Variants in SPAG16 observed in about 807,000 individuals in gnomAD.
SPAG16 encodes the protein sperm-associated antigen 16 protein.
In SPAG16, 86 loss-of-function variants were observed where a neutral mutation model predicts 80.4. The observed-to-expected ratio is 1.07, with a 90% CI of 0.90 to 1.28. SPAG16 has a LOEUF of 1.28. SPAG16 is among the 50% of genes most tolerant of loss of function. The pLI is 0.00. For missense variants in SPAG16, 870 were observed against 765.3 expected (o/e 1.14, Z -1.61); for synonymous variants, 294 against 265.9 (o/e 1.11, Z -1.03).
intron 15 of SPAG16, among the ~76,000 whole-genome samples, chr2:214,302,765 G>GTA (rs1694647371): frequency 6.6e-6 from 1 of 152,214 alleles, no homozygotes; most frequent in African/African-American, 2.4e-5. Flanking sequence ...TTACAGGTGT[G>GTA]AGCCACCGCG....
At chr2:213,417,331 CAGGACTT>C (rs2069318952) in intron 9 of SPAG16, among the ~76,000 whole-genome samples, 1 of 152,180 alleles carries the variant, frequency 6.6e-6, no homozygotes, top group South Asian at 2.1e-4. Context: ...TTGCAAATGC[CAGGACTT>C]CTGACAACTG....
At chr2:214,323,922 A>T (rs900026494) in intron 15 of SPAG16, among the ~76,000 whole-genome samples, 2 of 152,228 alleles carry the variant, frequency 1.3e-5, no homozygotes, top group Non-Finnish European at 2.9e-5. Flanking sequence ...TAATTTTCCA[A>T]ACTTGAATTT....
At chr2:214,406,833 T>C (rs1702022663) in intron 15 of SPAG16, among the ~76,000 whole-genome samples, 2 of 152,192 alleles carry the variant, frequency 1.3e-5, no homozygotes, top group South Asian at 4.1e-4. Flanking sequence ...ACAGAAAAGG[T>C]ATTGATTTAC....
rs550012841 is a variant in SPAG16 at position 213,895,948 on chromosome 2, A to G, written c.1214+33320A>G. 1.2e-4 allele frequency among the ~76,000 whole-genome samples: 18 copies of G among 152,236 alleles called. No individual in the cohort carries two copies. The East Asian group carries it at 3.3e-3, about 28-fold the overall frequency. On this transcript the variant is annotated intron_variant, in intron 11 of 15. Transcript: ENST00000331683. ...AAAATAAAAAAAAATGAAAAGAAAA[A>G]CCAGGATTATATCAAGGTAAAATCT... is the stretch of plus-strand genomic sequence containing the variant.
At chr2:214,187,132 G>A (rs970418692) in intron 15 of SPAG16, among the ~76,000 whole-genome samples, 6 of 152,054 alleles carry the variant, frequency 3.9e-5, no homozygotes, top group Admixed American at 1.3e-4. Flanking sequence ...CACTATGGTA[G>A]GACACTATAT....
intron 4 of SPAG16, among the ~76,000 whole-genome samples, chr2:213,315,327 T>C (rs1377196332): frequency 6.6e-6 from 1 of 151,946 alleles, no homozygotes; most frequent in African/African-American, 2.4e-5. Flanking sequence ...GCCTCAGGTA[T>C]TCTTCTCTTC....
chr2:213,593,840 T>G (rs979219992), intron 10 of SPAG16, among the ~76,000 whole-genome samples: 5 of 136,152 alleles, frequency 3.7e-5, no homozygotes, highest in Non-Finnish European at 7.7e-5. Context: ...AGTGTAGAGA[T>G]CTCGGCTCAC....
intron 15 of SPAG16, chr2:214,280,966 C>A: frequency 2.2e-6 from 1 of 447,078 alleles, no homozygotes. Context: ...TCCTTGCTTT[C>A]AGAATCATAA....
intron 13 of SPAG16, among the ~76,000 whole-genome samples, chr2:214,025,388 A>C (rs1389939056): frequency 6.6e-6 from 1 of 151,608 alleles, no homozygotes; most frequent in Non-Finnish European, 1.5e-5. Context: ...TAGCCTCTTA[A>C]TTTTACTTCA....
chr2:213,504,429 A>G (rs1046312611), intron 10 of SPAG16, among the ~76,000 whole-genome samples: 3 of 152,198 alleles, frequency 2.0e-5, no homozygotes, highest in Non-Finnish European at 4.4e-5. Flanking sequence ...TGAGAGGTTA[A>G]AAACCTGAAA....
At chr2:213,408,212 C>T (rs552183752) in intron 9 of SPAG16, among the ~76,000 whole-genome samples, 17 of 152,280 alleles carry the variant, frequency 1.1e-4, no homozygotes, top group African/African-American at 4.1e-4. Context: ...CTCCGTGACC[C>T]TGCAACACTC....
At chr2:213,870,533 T>C (rs1243435886) in intron 11 of SPAG16, among the ~76,000 whole-genome samples, 1 of 152,218 alleles carries the variant, frequency 6.6e-6, no homozygotes, top group Non-Finnish European at 1.5e-5. Flanking sequence ...TTTTCCAGTA[T>C]GGGTGTGGAA....
At chr2:214,316,855 ACTT>A (rs1334154598) in intron 15 of SPAG16, among the ~76,000 whole-genome samples, 3 of 152,142 alleles carry the variant, frequency 2.0e-5, no homozygotes, top group African/African-American at 7.2e-5. Context: ...ATTCTATAAT[ACTT>A]CTACAGCCAC....
chr2:213,941,288 A>G (rs1379067160), intron 12 of SPAG16, among the ~76,000 whole-genome samples: 1 of 152,072 alleles, frequency 6.6e-6, no homozygotes, highest in Non-Finnish European at 1.5e-5. Context: ...GAGAATATCA[A>G]TTTCCTTTTC....
chr2:213,963,625 T>C (rs1468291158), intron 12 of SPAG16, among the ~76,000 whole-genome samples: 1 of 152,198 alleles, frequency 6.6e-6, no homozygotes, highest in Non-Finnish European at 1.5e-5. Flanking sequence ...GAAAGTGTGA[T>C]ATTGAAATTT....
At chr2:214,175,306 T>G (rs998749673) in intron 15 of SPAG16, among the ~76,000 whole-genome samples, 1 of 145,864 alleles carries the variant, frequency 6.9e-6, no homozygotes, top group African/African-American at 2.5e-5. Flanking sequence ...TAAAGAAATA[T>G]ATATATAAAG....
chr2:213,397,806 C>T (rs2068117146), intron 9 of SPAG16, among the ~76,000 whole-genome samples: 1 of 152,152 alleles, frequency 6.6e-6, no homozygotes, highest in Non-Finnish European at 1.5e-5. Context: ...TGTCTTCACT[C>T]CCTAGGTGAT....
At chr2:213,524,216 G>T (rs2075793924) in intron 10 of SPAG16, among the ~76,000 whole-genome samples, 1 of 152,200 alleles carries the variant, frequency 6.6e-6, no homozygotes, top group South Asian at 2.1e-4. Flanking sequence ...CCAAGCCTTG[G>T]CAGCTTCCAT....
intron 10 of SPAG16, among the ~76,000 whole-genome samples, chr2:213,749,174 A>G (rs1474942843): frequency 6.6e-6 from 1 of 152,096 alleles, no homozygotes; most frequent in Non-Finnish European, 1.5e-5. Flanking sequence ...AAAACAAAAC[A>G]AAACAAAAAA....
Sources: allele counts gnomAD v4.1 joint callset (sites outside exome capture counted in the v4.1 genomes callset), GRCh38; gene constraint gnomAD v4.1.1; transcripts MANE v1.5; gene names NCBI Gene and HGNC (gene_info 2026-07-23, HGNC 2026-07-21).